PTBP3: variants seen among roughly 807,000 people sequenced by gnomAD.
The protein encoded by PTBP3 is polypyrimidine tract binding protein 3.
Under a neutral mutation model 58.7 loss-of-function variants are expected in PTBP3, and 20 were observed. The observed-to-expected ratio is 0.34, with a 90% CI of 0.24 to 0.50. The LOEUF is 0.50. Among genes scored for constraint, PTBP3 ranks in the 20% least tolerant of loss-of-function variants. The pLI, the probability that PTBP3 is intolerant of heterozygous loss-of-function variation, is 0.98. For synonymous variants in PTBP3, 185 were observed against 219.8 expected, an observed-to-expected ratio of 0.84 and a Z score of 1.40; for missense variants, 509 against 637.2, an observed-to-expected ratio of 0.80 and a Z score of 2.17.
the PTBP3 span, among the ~76,000 whole-genome samples, chr9:112,372,775 T>C: frequency 7.2e-5 from 11 of 152,354 alleles, no homozygotes; most frequent in Non-Finnish European, 1.5e-4. Context: ...TCATATTCTA[T>C]TGAATGCATA....
the PTBP3 span, among the ~76,000 whole-genome samples, chr9:112,360,208 GGGTCTT>G: frequency 5.9e-5 from 9 of 152,244 alleles, no homozygotes; most frequent in African/African-American, 2.2e-4. Context: ...TTCCAAGACA[GGGTCTT>G]GCTCTGTTGC....
At chr9:112,317,859 C>T (rs904802912) in intron 1 of PTBP3, among the ~76,000 whole-genome samples, 2 of 152,126 alleles carry the variant, frequency 1.3e-5, no homozygotes, top group Non-Finnish European at 2.9e-5. Context: ...AGGAGAATCG[C>T]TTGAACCCGT....
chr9:112,324,064 G>A (rs1830055129), intron 1 of PTBP3, among the ~76,000 whole-genome samples: 2 of 151,768 alleles, frequency 1.3e-5, no homozygotes, highest in Admixed American at 6.6e-5. Context: ...AATTACAGAG[G>A]TTTCTTTCTC....
At position 112,282,643 on chromosome 9, in the gene PTBP3, A is replaced by ATT. The variant is rs1024960341; in HGVS notation, c.35-6632_35-6631dup. On this transcript the variant is annotated intron_variant, in intron 2 of 13. Transcript: ENST00000374257. ...TGATCAATGGGTTAAGTTTATTTTT[A>ATT]TTTTTTTTTTTACTATTTGGGAAAT... Among the ~76,000 whole-genome samples, 377 of 146,484 alleles carry ATT rather than the reference A, an allele frequency of 2.6e-3. 2 individuals carry two copies. Among genetic ancestry groups the ATT allele is most frequent in the African/African-American group, 9.0e-3 (359 of 40,080 alleles).
chr9:112,222,455 A>G lies in PTBP3; in HGVS notation c.*1396T>C, dbSNP rs1200676297. On this transcript the variant is annotated 3_prime_UTR_variant, in exon 14 of 14. Coordinates refer to ENST00000374257, the MANE Select transcript of PTBP3 (RefSeq NM_001163788.4). ...GACTGAGAAAAACCAAGTAATCCTGAGACAAATTCTGATGGGTGAAAAAGA... is the reference window on the plus strand; with the variant it reads ...GACTGAGAAAAACCAAGTAATCCTGGGACAAATTCTGATGGGTGAAAAAGA... 1.0e-6 allele frequency: 1 copy of G among 985,464 alleles called. No individual in the cohort carries two copies. The highest frequency in any genetic ancestry group is 1.1e-4 in the East Asian group (1 of 8,824). The allele number at this position is 985,464 out of a possible 1,614,324, so 61.0% of individuals were successfully genotyped here. A position where few individuals can be genotyped will look rare whatever the true frequency, so the allele number is the denominator to read the frequency against.
chr9:112,314,664 A>G (rs911733940), intron 1 of PTBP3, among the ~76,000 whole-genome samples: 1 of 152,166 alleles, frequency 6.6e-6, no homozygotes, highest in Admixed American at 6.5e-5. Flanking sequence ...CTCAAACAAA[A>G]CAAAACAAAA....
At position 112,265,638 on chromosome 9, in the gene PTBP3, G is replaced by C. The variant is rs571160866; in HGVS notation, c.351+2411C>G. 5.9e-5 allele frequency among the ~76,000 whole-genome samples: 9 copies of C among 152,270 alleles called. No individual in the cohort carries two copies. The South Asian group carries it at 1.9e-3, about 32-fold the overall frequency. On this transcript the variant is annotated intron_variant, in intron 4 of 13. Coordinates refer to ENST00000374257, the MANE Select transcript of PTBP3 (RefSeq NM_001163788.4). ...GTAAAGGTTAAACATAGAATGCATA[G>C]CATGTGAGCAGCACACACATGAGGG...
intron 2 of PTBP3, among the ~76,000 whole-genome samples, chr9:112,290,703 TATATACAC>T (rs1335787031): frequency 7.7e-5 from 5 of 64,590 alleles, no homozygotes; most frequent in African/African-American, 4.4e-4. Flanking sequence ...TATATATATA[TATATACAC>T]ACACACACAC....
chr9:112,294,472 T>C (rs1160148246), intron 2 of PTBP3, among the ~76,000 whole-genome samples: 1 of 152,178 alleles, frequency 6.6e-6, no homozygotes, highest in African/African-American at 2.4e-5. Context: ...GAGCCGTGTT[T>C]GTGCCACTGG....
At chr9:112,277,694 CA>C (rs1027511054) in intron 2 of PTBP3, among the ~76,000 whole-genome samples, 1 of 151,084 alleles carries the variant, frequency 6.6e-6, no homozygotes, top group South Asian at 2.1e-4. Context: ...CCATCTCTAC[CA>C]AAAAAAACCA....
At chr9:112,338,160 G>A (rs1305811742), upstream of PTBP3, among the ~76,000 whole-genome samples, 1 of 152,220 alleles carries the variant, frequency 6.6e-6, no homozygotes, top group Non-Finnish European at 1.5e-5. Flanking sequence ...ATTAGGAAGA[G>A]GGTGGGAGCA....
chr9:112,254,303 A>G (rs1836260088), intron 5 of PTBP3, among the ~76,000 whole-genome samples: 1 of 152,160 alleles, frequency 6.6e-6, no homozygotes, highest in Admixed American at 6.5e-5. Flanking sequence ...TTAATTCTCA[A>G]AAAGTATGCT....
intron 1 of PTBP3, among the ~76,000 whole-genome samples, chr9:112,323,583 G>A (rs1273614283): frequency 6.6e-6 from 1 of 152,102 alleles, no homozygotes; most frequent in African/African-American, 2.4e-5. Context: ...AGACATGAAT[G>A]CTCTGTAAAA....
At chr9:112,349,203 C>A in the PTBP3 span, among the ~76,000 whole-genome samples, 49 of 152,212 alleles carry the variant, frequency 3.2e-4, no homozygotes, top group Admixed American at 1.0e-3. Flanking sequence ...AACTCTTGAA[C>A]AATCAGATTT....
the PTBP3 span, among the ~76,000 whole-genome samples, chr9:112,368,167 G>C: frequency 6.6e-6 from 1 of 151,628 alleles, no homozygotes; most frequent in Non-Finnish European, 1.5e-5. Flanking sequence ...GCTAATTTTT[G>C]TATTTGTATT....
At position 112,223,485 on chromosome 9, in the gene PTBP3, G is replaced by A. The variant is rs753940271; in HGVS notation, c.*366C>T. 470 of 914,218 alleles carry A rather than the reference G, an allele frequency of 5.1e-4. No individual in the cohort carries two copies. The highest frequency in any genetic ancestry group is 4.0e-3 in the Middle Eastern group (7 of 1,772). 56.6% of individuals were successfully genotyped at this position (914,218 alleles called of 1,614,324 possible). A position where few individuals can be genotyped will look rare whatever the true frequency, so the allele number is the denominator to read the frequency against. ...AAGTCTGTGTTTAAATTTTTTAAAA[G>A]TACAAATGAGTTTAGAAATGTTGTA... On this transcript the variant is annotated 3_prime_UTR_variant, in exon 14 of 14. Transcript: ENST00000374257.
chr9:112,347,449 C>T, the PTBP3 span, among the ~76,000 whole-genome samples: 1 of 151,130 alleles, frequency 6.6e-6, no homozygotes, highest in African/African-American at 2.4e-5. Flanking sequence ...TCAGATGATC[C>T]TCCCACCTCA....
the PTBP3 span, among the ~76,000 whole-genome samples, chr9:112,354,638 C>A: frequency 2.0e-5 from 3 of 151,996 alleles, no homozygotes; most frequent in Non-Finnish European, 4.4e-5. Context: ...AGGATGACAC[C>A]TACAAAAATT....
rs973527892 is a variant in PTBP3 at position 112,332,380 on chromosome 9, T to TTCG, written c.-52+1089_-52+1090insCGA. 1.1e-3 allele frequency among the ~76,000 whole-genome samples: 43 copies of TTCG among 40,776 alleles called. No homozygotes were observed. The African/African-American group carries it at 0.011, about 10-fold the overall frequency. 26.8% of individuals were successfully genotyped at this position (40,776 alleles called of 152,430 possible). ...ATGAGGTCAAAAGCTGTTGGAAGAT[T>TTCG]TCATCTTCAAATAGCATATCATCAA... On this transcript the variant is annotated intron_variant, in intron 1 of 13. Coordinates refer to ENST00000374257, the MANE Select transcript of PTBP3 (RefSeq NM_001163788.4).
Sources: gnomAD v4.1 joint callset for allele counts (sites outside exome capture counted in the v4.1 genomes callset) on GRCh38, gnomAD v4.1.1 for gene constraint, MANE v1.5 for transcripts, NCBI Gene and HGNC (gene_info 2026-07-23, HGNC 2026-07-21) for gene names.